The following IGF2BP1 variants were observed in gnomAD, a reference collection of about 807,000 sequenced individuals.
IGF2BP1 encodes the protein insulin-like growth factor 2 mRNA-binding protein 1.
IGF2BP1 carries 11 observed loss-of-function variants against 74.9 expected under a neutral mutation model. That is an observed-to-expected ratio of 0.15 (90% CI 0.09 to 0.24). The LOEUF is 0.24. Among genes scored for constraint, IGF2BP1 ranks in the 10% least tolerant of loss-of-function variants. IGF2BP1 has a pLI of 1.00. For synonymous variants in IGF2BP1, 287 were observed against 281.8 expected, an observed-to-expected ratio of 1.02 and a Z score of -0.18; for missense variants, 440 against 757.4, an observed-to-expected ratio of 0.58 and a Z score of 4.92.
In IGF2BP1 at chr17:49,052,227, CATCT is replaced by C. The variant is rs2042175554; in HGVS notation, c.*2784_*2787del. The C allele has an allele frequency of 6.6e-6, 1 of 152,184 alleles. No individual in the cohort carries two copies. The highest frequency in any genetic ancestry group is 2.1e-4 in the South Asian group (1 of 4,820). The allele number at this position is 152,184 out of a possible 1,614,324, so 9.4% of individuals were successfully genotyped here. A position where few individuals can be genotyped will look rare whatever the true frequency, so the allele number is the denominator to read the frequency against. On this transcript the variant is annotated 3_prime_UTR_variant, in exon 15 of 15. Transcript: ENST00000290341. ...CCATAAAAAGGGTCTCCCAGCTTTC[CATCT>C]CTGGCTCTATATGCTTTATCCCAAA... is the stretch of plus-strand genomic sequence containing the variant.
intron 2 of IGF2BP1, among the ~76,000 whole-genome samples, chr17:49,008,285 G>A (rs1243609691): frequency 6.6e-6 from 1 of 152,190 alleles, no homozygotes; most frequent in African/African-American, 2.4e-5. Flanking sequence ...GATGTACTAG[G>A]ATGTTGGCTG....
At position 49,049,505 on chromosome 17, in the gene IGF2BP1, C is replaced by G; in HGVS notation, c.*61C>G. 6.9e-7 allele frequency: 1 copy of G among 1,441,998 alleles called. No homozygotes were observed. The highest frequency in any genetic ancestry group is 1.4e-5 in the African/African-American group (1 of 71,762). 89.3% of individuals were successfully genotyped at this position (1,441,998 alleles called of 1,614,324 possible). A position where few individuals can be genotyped will look rare whatever the true frequency, so the allele number is the denominator to read the frequency against. ...AACGGGCAGAAATCGAGAGTGTGCT[C>G]TCCCCGGCAGGCCTGAGAATGAGTG... On this transcript the variant is annotated 3_prime_UTR_variant, in exon 15 of 15. Coordinates refer to ENST00000290341, the MANE Select transcript of IGF2BP1 (RefSeq NM_006546.4).
intron 2 of IGF2BP1, among the ~76,000 whole-genome samples, chr17:49,011,924 G>C (rs371266775): frequency 0.046 from 1,582 of 34,554 alleles, 30 homozygotes; most frequent in African/African-American, 0.19. Context: ...TTTTTTTTTT[G>C]GGAGATAGAG....
At chr17:49,039,070 G>T (rs1400327107) in intron 6 of IGF2BP1, among the ~76,000 whole-genome samples, 1 of 151,914 alleles carries the variant, frequency 6.6e-6, no homozygotes, top group Non-Finnish European at 1.5e-5. Context: ...TAGAGACAGG[G>T]TTTCACCATG....
intron 6 of IGF2BP1, among the ~76,000 whole-genome samples, chr17:49,038,941 G>A (rs1156886428): frequency 2.0e-5 from 3 of 147,932 alleles, no homozygotes; most frequent in South Asian, 2.1e-4. Context: ...GCAGTGGTGC[G>A]ATCTCAGCTC....
chr17:49,045,157 G>T lies in IGF2BP1; in HGVS notation c.1395+92G>T, dbSNP rs1410880421. On this transcript the variant is annotated intron_variant, in intron 12 of 14. Transcript: ENST00000290341. Reference sequence around the variant, plus strand: ...AGGAAAAAGGCTGGGTCAGTTTCCCGTTAGCTGTCAAGTCCTCATCACATC... The same window carrying T: ...AGGAAAAAGGCTGGGTCAGTTTCCCTTTAGCTGTCAAGTCCTCATCACATC... 3 of 1,078,998 alleles carry T rather than the reference G, an allele frequency of 2.8e-6. No homozygotes were observed. In the Admixed American group the frequency reaches 5.3e-5, roughly 19 times the overall value. 66.8% of individuals were successfully genotyped at this position (1,078,998 alleles called of 1,614,324 possible).
chr17:49,044,369 A>G (rs1013370022), intron 11 of IGF2BP1, among the ~76,000 whole-genome samples: 3 of 152,168 alleles, frequency 2.0e-5, no homozygotes, highest in African/African-American at 7.2e-5. Context: ...TCCAAGATCC[A>G]TCTCATCACC....
intron 2 of IGF2BP1, among the ~76,000 whole-genome samples, chr17:49,006,573 C>T (rs2041553421): frequency 6.6e-6 from 1 of 152,160 alleles, no homozygotes; most frequent in South Asian, 2.1e-4. Flanking sequence ...TGTATCCTAC[C>T]CTGCCCCATA....
intron 2 of IGF2BP1, among the ~76,000 whole-genome samples, chr17:49,011,683 T>G (rs1435811576): frequency 6.6e-6 from 1 of 151,264 alleles, no homozygotes; most frequent in African/African-American, 2.4e-5. Context: ...AATGAGACCC[T>G]GTTCCAAAAA....
chr17:49,015,673 C>G (rs563319161), intron 2 of IGF2BP1, among the ~76,000 whole-genome samples: 1 of 152,334 alleles, frequency 6.6e-6, no homozygotes, highest in South Asian at 2.1e-4. Flanking sequence ...CACTTCTCCC[C>G]TTTGGGAGCC....
Position 49,052,257 on chromosome 17 carries a change from AC to A in IGF2BP1, c.*2814del, listed in dbSNP as rs1003588980. 1.3e-5 allele frequency: 2 copies of A among 152,208 alleles called. No individual in the cohort carries two copies. Among genetic ancestry groups the A allele is most frequent in the African/African-American group, 4.8e-5 (2 of 41,442 alleles). 9.4% of individuals were successfully genotyped at this position (152,208 alleles called of 1,614,324 possible). A position where few individuals can be genotyped will look rare whatever the true frequency, so the allele number is the denominator to read the frequency against. On this transcript the variant is annotated 3_prime_UTR_variant, in exon 15 of 15. Transcript: ENST00000290341. ...CTGGCTCTATATGCTTTATCCCAAA[AC>A]AAAGCAGATAACGTTCAGACGTCGG... is the stretch of plus-strand genomic sequence containing the variant.
rs1260871660 is a variant in IGF2BP1, at chr17:48,997,532, C to T, written c.-214C>T. On this transcript the variant is annotated 5_prime_UTR_variant, in exon 1 of 15. Transcript: ENST00000290341. This position sits in a 1 kb window ranked among gnomAD's most constrained non-coding sequence, Gnocchi z 4.8. ...TCCGTCTCCCTGCGCGCCGCGGGCA[C>T]TTCTCCTGGGCTCTCCCCGAACTCT... 7 of 534,964 alleles carry T rather than the reference C, an allele frequency of 1.3e-5. No individual in the cohort carries two copies. The highest frequency in any genetic ancestry group is 2.3e-5 in the Non-Finnish European group (7 of 305,108). The allele number at this position is 534,964 out of a possible 1,614,324, so 33.1% of individuals were successfully genotyped here. A position where few individuals can be genotyped will look rare whatever the true frequency, so the allele number is the denominator to read the frequency against.
chr17:49,045,014 C>T lies in IGF2BP1; in HGVS notation c.1344C>T (p.Asp448=). 6.2e-7 allele frequency: 1 copy of T among 1,614,196 alleles called. No individual in the cohort carries two copies. The highest frequency in any genetic ancestry group is 8.5e-7 in the Non-Finnish European group (1 of 1,180,010). The change falls in exon 12 of 15, where the codon GAC becomes GAT. Residue 448 remains aspartate, a synonymous_variant. Coordinates refer to ENST00000290341, the MANE Select transcript of IGF2BP1 (RefSeq NM_006546.4). The part of the protein sequence containing the change: ...SIKIAPPETP[D]SKVRMVIITG... ...AGATTGCACCACCCGAAACACCTGA[C>T]TCCAAAGTTCGTATGGTTATCATCA... is the stretch of plus-strand genomic sequence containing the variant.
At chr17:49,040,578 T>C (rs2042040089) in intron 7 of IGF2BP1, among the ~76,000 whole-genome samples, 1 of 152,248 alleles carries the variant, frequency 6.6e-6, no homozygotes, top group South Asian at 2.1e-4. Context: ...GTGTGTATAT[T>C]GTGTCTGCGT....
At chr17:49,019,930 A>ATT (rs2041761789) in intron 2 of IGF2BP1, among the ~76,000 whole-genome samples, 7 of 64,164 alleles carry the variant, frequency 1.1e-4, no homozygotes, top group Non-Finnish European at 2.0e-4. Flanking sequence ...ATATATATAT[A>ATT]TATATATATA....
Position 49,031,968 on chromosome 17 carries a change from C to G in IGF2BP1, c.396C>G (p.Thr132=), listed in dbSNP as rs1567821494. 1.2e-6 allele frequency: 2 copies of G among 1,610,418 alleles called. No homozygotes were observed. Among genetic ancestry groups the G allele is most frequent in the Non-Finnish European group, 1.7e-6 (2 of 1,178,568 alleles). ...VNVTYSNREQ[T]RQAIMKLNGH... ...TCACCTATTCCAACCGGGAGCAGAC[C>G]AGGCAGTGAGTGGGCTGGGAAGTGG... The change falls in exon 5 of 15, where the codon ACC becomes ACG. Residue 132 remains threonine, a synonymous_variant. Transcript: ENST00000290341.
At chr17:49,042,465 T>C in intron 9 of IGF2BP1, 88 bp downstream of exon 9, 1 of 1,432,290 alleles carries the variant, frequency 7.0e-7, no homozygotes, top group South Asian at 1.2e-5. Flanking sequence ...ACATGTGCCC[T>C]GTGCCGTGTG....
At chr17:49,001,652 AC>A (rs746455683) in intron 2 of IGF2BP1, among the ~76,000 whole-genome samples, 3 of 152,194 alleles carry the variant, frequency 2.0e-5, no homozygotes, top group Non-Finnish European at 2.9e-5. Context: ...ATGAGGTGAT[AC>A]TAATTTCTTA....
intron 2 of IGF2BP1, among the ~76,000 whole-genome samples, chr17:49,014,608 G>A (rs1315652308): frequency 2.6e-5 from 4 of 152,042 alleles, no homozygotes; most frequent in Non-Finnish European, 4.4e-5. Context: ...ACTGGCTGAG[G>A]AAGCGCCCGC....
Sources: gnomAD v4.1 joint callset for allele counts (sites outside exome capture counted in the v4.1 genomes callset) on GRCh38, gnomAD v4.1.1 for gene constraint, Gnocchi (gnomAD v3.1) non-coding constraint, MANE v1.5 for transcripts, NCBI Gene and HGNC (gene_info 2026-07-23, HGNC 2026-07-21) for gene names.